SHB: variants seen among roughly 807,000 people sequenced by gnomAD.
SHB encodes the protein SH2 domain-containing adapter protein B.
In SHB, 20 loss-of-function variants were observed where a neutral mutation model predicts 52.3. That is an observed-to-expected ratio of 0.38 (90% CI 0.27 to 0.56). SHB has a LOEUF of 0.56. SHB is among the 20% of genes least tolerant of loss of function. The pLI is 0.71. For synonymous variants in SHB, 397 were observed against 316.5 expected (o/e 1.25, Z -2.70); for missense variants, 825 against 723.3 (o/e 1.14, Z -1.61).
intron 2 of SHB, among the ~76,000 whole-genome samples, chr9:37,980,883 A>G (rs1300878800): frequency 8.3e-6 from 1 of 120,318 alleles, no homozygotes; most frequent in Non-Finnish European, 1.7e-5. Flanking sequence ...AGTATCTTTA[A>G]AGGAATCTTT....
chr9:38,067,546 A>G (rs1821986310), intron 1 of SHB, among the ~76,000 whole-genome samples: 1 of 152,146 alleles, frequency 6.6e-6, no homozygotes, highest in Admixed American at 6.5e-5. Flanking sequence ...TCCCACCTAC[A>G]GCGTGAGCGG....
intron 5 of SHB, among the ~76,000 whole-genome samples, chr9:37,947,258 C>T (rs1421356794): frequency 6.6e-6 from 1 of 152,232 alleles, no homozygotes; most frequent in Admixed American, 6.5e-5. Context: ...GTTCCCTCTG[C>T]ATCCTCTCTG....
chr9:37,951,942 C>T (rs1832571793), intron 4 of SHB, among the ~76,000 whole-genome samples: 1 of 152,214 alleles, frequency 6.6e-6, no homozygotes, highest in Admixed American at 6.5e-5. Flanking sequence ...GTAGGCCTTG[C>T]TTCACCTGGA....
At chr9:37,926,198 A>T (rs1364261513) in intron 5 of SHB, among the ~76,000 whole-genome samples, 4 of 101,374 alleles carry the variant, frequency 3.9e-5, no homozygotes, top group Non-Finnish European at 6.1e-5. Flanking sequence ...CCATAACCCC[A>T]CCCCCACCCT....
At chr9:37,992,658 G>A (rs1022519079) in intron 2 of SHB, among the ~76,000 whole-genome samples, 4 of 152,120 alleles carry the variant, frequency 2.6e-5, no homozygotes, top group African/African-American at 9.7e-5. Context: ...GTGTTCCCCT[G>A]GCCTGTTTCC....
chr9:37,930,531 T>G (rs1832301270), intron 5 of SHB, among the ~76,000 whole-genome samples: 1 of 152,190 alleles, frequency 6.6e-6, no homozygotes, highest in African/African-American at 2.4e-5. Context: ...TAAAGCACAG[T>G]GCTCACCCTC....
At chr9:38,054,368 C>T (rs1048034552) in intron 1 of SHB, among the ~76,000 whole-genome samples, 2 of 152,246 alleles carry the variant, frequency 1.3e-5, no homozygotes, top group East Asian at 1.9e-4. Flanking sequence ...CTCTGGAATC[C>T]ACTCCTGACA....
intron 5 of SHB, among the ~76,000 whole-genome samples, chr9:37,936,142 G>T (rs1161113155): frequency 6.6e-6 from 1 of 152,112 alleles, no homozygotes; most frequent in Admixed American, 6.5e-5. Flanking sequence ...CTTGAACTTG[G>T]GAGGCAGAGG....
At chr9:38,026,670 A>T (rs577844139) in intron 1 of SHB, among the ~76,000 whole-genome samples, 4 of 152,378 alleles carry the variant, frequency 2.6e-5, no homozygotes, top group Middle Eastern at 3.4e-3. Flanking sequence ...TGTATCCTCC[A>T]GCAACCAAGC....
intron 3 of SHB, among the ~76,000 whole-genome samples, chr9:37,963,293 TC>T: frequency 6.6e-6 from 1 of 152,306 alleles, no homozygotes; most frequent in African/African-American, 2.4e-5. Context: ...TCTATGACCC[TC>T]TCAGTTCTCC....
At chr9:38,049,886 G>A (rs543284135) in intron 1 of SHB, among the ~76,000 whole-genome samples, 158 of 150,372 alleles carry the variant, frequency 1.1e-3, no homozygotes, top group African/African-American at 3.7e-3. Flanking sequence ...TGCAACCTCC[G>A]CCTCCCGGAT....
intron 2 of SHB, among the ~76,000 whole-genome samples, chr9:37,980,962 T>C (rs1440586465): frequency 6.6e-6 from 1 of 152,220 alleles, no homozygotes; most frequent in East Asian, 1.9e-4. Context: ...ACAGAGGAAC[T>C]GCCATCCAGG....
intron 1 of SHB, among the ~76,000 whole-genome samples, chr9:38,016,392 G>A (rs1821212268): frequency 1.3e-5 from 2 of 152,250 alleles, no homozygotes; most frequent in South Asian, 4.1e-4. Flanking sequence ...GGTGAGAACA[G>A]AAGGGCATCT....
chr9:37,921,275 G>C (rs1004922192), intron 5 of SHB, among the ~76,000 whole-genome samples: 4 of 152,170 alleles, frequency 2.6e-5, no homozygotes, highest in Admixed American at 2.6e-4. Context: ...GCTCCAAGCA[G>C]ACTTGAAGGT....
intron 1 of SHB, among the ~76,000 whole-genome samples, chr9:38,019,306 C>T (rs1009422379): frequency 6.6e-6 from 1 of 152,360 alleles, no homozygotes; most frequent in Non-Finnish European, 1.5e-5. Flanking sequence ...CAGGTTTGTC[C>T]TCCTGGAGAC....
intron 2 of SHB, among the ~76,000 whole-genome samples, chr9:37,992,529 G>A (rs1241709924): frequency 6.9e-6 from 1 of 144,156 alleles, no homozygotes; most frequent in Non-Finnish European, 1.5e-5. Context: ...GGCTAAAGAG[G>A]CTTACACTTC....
chr9:37,950,045 C>T (rs1832546636), intron 4 of SHB, among the ~76,000 whole-genome samples: 1 of 152,134 alleles, frequency 6.6e-6, no homozygotes, highest in African/African-American at 2.4e-5. Flanking sequence ...CAAGCAATCC[C>T]CCCAACCCCC....
At chr9:38,052,237 C>T (rs2118168735) in intron 1 of SHB, among the ~76,000 whole-genome samples, 1 of 152,140 alleles carries the variant, frequency 6.6e-6, no homozygotes, top group South Asian at 2.1e-4. Flanking sequence ...CCACGTCTTT[C>T]CTCATGGATG....
chr9:37,961,577 C>A (rs532455796), intron 3 of SHB, among the ~76,000 whole-genome samples: 1 of 152,340 alleles, frequency 6.6e-6, no homozygotes, highest in Admixed American at 6.5e-5. Context: ...CCACACCCAC[C>A]CTTAGGTTCC....
Sources: allele counts gnomAD v4.1 joint callset (sites outside exome capture counted in the v4.1 genomes callset), GRCh38; gene constraint gnomAD v4.1.1; transcripts MANE v1.5; gene names NCBI Gene and HGNC (gene_info 2026-07-23, HGNC 2026-07-21).